The following RBFOX2 variants were observed in gnomAD, a reference collection of about 807,000 sequenced individuals.
RBFOX2 encodes RNA binding fox-1 homolog 2.
A neutral mutation model predicts 49.1 loss-of-function variants in RBFOX2; 10 were observed. That is an observed-to-expected ratio of 0.20 (90% confidence interval 0.13 to 0.35). RBFOX2 has a LOEUF of 0.35. RBFOX2 is among the 10% of genes least tolerant of loss of function. The pLI is 1.00. For synonymous variants in RBFOX2, 183 were observed against 187.4 expected (o/e 0.98, Z 0.19); for missense variants, 323 against 486.9 (o/e 0.66, Z 3.17).
chr22:35,994,413 A>ATTTATTTATTTATTTT (rs1556519982), intron 1 of RBFOX2: 108 of 149,958 alleles, frequency 7.2e-4, no homozygotes, highest in African/African-American at 2.5e-3. Context: ...TTATTTATTT[A>ATTTATTTATTTATTTT]TTTATTTTTT....
At chr22:35,893,867 G>A (rs2047534746) in intron 1 of RBFOX2, among the ~76,000 whole-genome samples, 2 of 151,910 alleles carry the variant, frequency 1.3e-5, no homozygotes, top group African/African-American at 2.4e-5. Context: ...AAAGGGCAAA[G>A]GGAAACTTTC....
At chr22:35,761,161 C>T (rs1426974231) in intron 8 of RBFOX2, 41 bp downstream of exon 9, 3 of 1,553,834 alleles carry the variant, frequency 1.9e-6, no homozygotes, top group East Asian at 2.2e-5. Flanking sequence ...AGTTCACTCA[C>T]AACAGTCAAA....
At chr22:35,827,617 C>A (rs1388597849) in intron 1 of RBFOX2, among the ~76,000 whole-genome samples, 1 of 152,138 alleles carries the variant, frequency 6.6e-6, no homozygotes, top group East Asian at 1.9e-4. Context: ...TCCACTTCTG[C>A]CAAACTTCTC....
intron 1 of RBFOX2, chr22:35,897,930 T>C: frequency 1.3e-6 from 1 of 753,132 alleles, no homozygotes; most frequent in Non-Finnish European, 2.4e-6. Context: ...CAACTTCAGC[T>C]TCCTTGGACA....
intron 1 of RBFOX2, among the ~76,000 whole-genome samples, chr22:35,811,862 G>A (rs1411006343): frequency 6.6e-6 from 1 of 151,332 alleles, no homozygotes; most frequent in Non-Finnish European, 1.5e-5. Flanking sequence ...TTGTGAGGCT[G>A]AGAAAGGAGG....
At chr22:35,911,717 T>C (rs2049854062) in intron 1 of RBFOX2, among the ~76,000 whole-genome samples, 1 of 152,190 alleles carries the variant, frequency 6.6e-6, no homozygotes, top group Non-Finnish European at 1.5e-5. Flanking sequence ...TCTCTGCCTA[T>C]GACTCCATCA....
chr22:35,827,102 T>C (rs1301584546), intron 1 of RBFOX2, among the ~76,000 whole-genome samples: 1 of 152,226 alleles, frequency 6.6e-6, no homozygotes, highest in Non-Finnish European at 1.5e-5. Flanking sequence ...AGTTCTACAA[T>C]GTGTTGCCAT....
intron 1 of RBFOX2, among the ~76,000 whole-genome samples, chr22:35,922,320 C>T (rs1222322621): frequency 7.9e-5 from 12 of 151,754 alleles, no homozygotes; most frequent in African/African-American, 2.9e-4. Context: ...GTGGCTCATG[C>T]CTGTAATCCC....
chr22:35,750,517 A>C, intron 9 of RBFOX2: 1 of 1,314,892 alleles, frequency 7.6e-7, no homozygotes, highest in Non-Finnish European at 1.1e-6. Context: ...GCACACCCTA[A>C]TGTAGGAGGG....
intron 1 of RBFOX2, among the ~76,000 whole-genome samples, chr22:35,867,645 C>A (rs923773902): frequency 1.3e-5 from 2 of 152,044 alleles, no homozygotes; most frequent in African/African-American, 4.8e-5. Flanking sequence ...AAGAGATGGG[C>A]CCTCTGTAAG....
intron 1 of RBFOX2, among the ~76,000 whole-genome samples, chr22:35,876,776 A>G (rs1395321421): frequency 6.6e-6 from 1 of 152,012 alleles, no homozygotes; most frequent in Non-Finnish European, 1.5e-5. Context: ...TAGACCAGAT[A>G]TCACAAGAAC....
chr22:35,939,185 T>C, upstream of RBFOX2: 1 of 584,104 alleles, frequency 1.7e-6, no homozygotes, highest in Non-Finnish European at 3.2e-6. Context: ...CTACTGCGAC[T>C]GGGGTCAGAG....
chr22:35,800,710 T>C lies in RBFOX2; in HGVS notation c.252+9070A>G, dbSNP rs551171029. Among the ~76,000 whole-genome samples, 875 of 148,700 alleles carry C rather than the reference T, an allele frequency of 5.9e-3. 11 individuals are homozygous for C. Among genetic ancestry groups the C allele is most frequent in the African/African-American group, 0.02 (788 of 39,632 alleles). ...ACAATTGTACCTAGTTTTTTTTTTT[T>C]CCCCCAAGAAGCATTTACTGAGTTC... On this transcript the variant is annotated intron_variant, in intron 2 of 11. Transcript: ENST00000405409.
intron 1 of RBFOX2, among the ~76,000 whole-genome samples, chr22:35,814,761 G>GAA (rs1348785764): frequency 9.0e-6 from 1 of 111,444 alleles, no homozygotes. Context: ...AAAGTGTCAA[G>GAA]AAAAAAGAGT....
At chr22:36,028,558 G>C (rs1286168192) in exon 1 of RBFOX2, 1 of 845,714 alleles carries the variant, frequency 1.2e-6, no homozygotes, top group Non-Finnish European at 1.4e-6. Flanking sequence ...GTGCGTGCGC[G>C]CGAGCGGACT....
chr22:35,739,643 TC>T (rs1928825364), exon 12 of RBFOX2: 1 of 152,448 alleles, frequency 6.6e-6, no homozygotes, highest in Non-Finnish European at 1.5e-5. Context: ...CACTTATCAG[TC>T]CCCAGAAAAA....
intron 1 of RBFOX2, among the ~76,000 whole-genome samples, chr22:36,003,279 C>A (rs149397692): frequency 2.0e-5 from 3 of 152,326 alleles, no homozygotes; most frequent in East Asian, 3.9e-4. Context: ...CTCATTCATT[C>A]TTTTATTGAT....
rs575013532 is a variant in RBFOX2 at position 35,937,427 on chromosome 22, C to T, written c.-34+1420G>A. ...TAGGGGATGAACACAGAGCTAACAA[C>T]ACTTCTTCTCCCGATGCCTTATCTG... On this transcript the variant is annotated intron_variant, in intron 1 of 13. Transcript: ENST00000359369. 3.9e-5 allele frequency among the ~76,000 whole-genome samples: 6 copies of T among 152,292 alleles called. No homozygotes were observed. In the East Asian group the frequency reaches 9.6e-4, roughly 24 times the overall value.
At chr22:35,912,114 G>A (rs2049901211) in intron 1 of RBFOX2, among the ~76,000 whole-genome samples, 1 of 152,110 alleles carries the variant, frequency 6.6e-6, no homozygotes, top group Admixed American at 6.5e-5. Context: ...GCATATAACA[G>A]GCACATAATA....
Sources: allele counts gnomAD v4.1 joint callset (sites outside exome capture counted in the v4.1 genomes callset), GRCh38; gene constraint gnomAD v4.1.1; transcripts MANE v1.5; gene names NCBI Gene and HGNC (gene_info 2026-07-23, HGNC 2026-07-21).